The following PDZD2 variants were observed in gnomAD, a reference collection of about 807,000 sequenced individuals.
PDZD2 encodes PDZ domain-containing protein 2.
A neutral mutation model predicts 220.7 loss-of-function variants in PDZD2; 90 were observed. That is an observed-to-expected ratio of 0.41 (90% confidence interval 0.34 to 0.49). The LOEUF is 0.49. Ranked by LOEUF, PDZD2 falls within the 20% of genes least tolerant of loss-of-function variation. The pLI, the probability that PDZD2 is intolerant of heterozygous loss-of-function variation, is 0.28. For missense variants in PDZD2, 3,174 were observed against 3,608.5 expected (o/e 0.88, Z 3.08); for synonymous variants, 1,375 against 1,450.5 (o/e 0.95, Z 1.18).
chr5:31,695,163 G>A (rs886220676), intron 1 of PDZD2, among the ~76,000 whole-genome samples: 7 of 152,068 alleles, frequency 4.6e-5, no homozygotes, highest in South Asian at 4.2e-4. Flanking sequence ...AATAAAGAAC[G>A]GCTACTCCAT....
chr5:32,023,614 A>G lies in PDZD2; in HGVS notation c.1407+13132A>G, dbSNP rs1012602542. Among the ~76,000 whole-genome samples, 13 of 152,314 alleles carry G rather than the reference A, an allele frequency of 8.5e-5. No individual in the cohort carries two copies. The East Asian group carries it at 2.5e-3, about 29-fold the overall frequency. ...AATCCTGGATGACAAGGTTGCTTTT[A>G]GAGGAGATACCATGCTAGCTTCTTG... On this transcript the variant is annotated intron_variant, in intron 6 of 24. Transcript: ENST00000438447.
rs147268399 is a variant in PDZD2, at chr5:32,084,222, C to T, written c.3683-2909C>T. Among the ~76,000 whole-genome samples the T allele has an allele frequency of 6.2e-3, 950 of 152,300 alleles. 16 individuals carry two copies. The highest frequency in any genetic ancestry group is 0.022 in the African/African-American group (907 of 41,586). ...GCTAGTACGGTCTCCATGGGGATCT[C>T]GACGATCCAACCTTTTGATTGCCAA... is the stretch of plus-strand genomic sequence containing the variant. On this transcript the variant is annotated intron_variant, in intron 19 of 24. Coordinates refer to ENST00000438447, the MANE Select transcript of PDZD2 (RefSeq NM_178140.4).
chr5:31,920,325 C>T (rs966087710), intron 2 of PDZD2, among the ~76,000 whole-genome samples: 6 of 151,474 alleles, frequency 4.0e-5, no homozygotes, highest in East Asian at 1.9e-4. Flanking sequence ...TTTTTCTGAG[C>T]GAAAGATAGA....
At chr5:31,862,026 T>C (rs1256366168) in intron 2 of PDZD2, among the ~76,000 whole-genome samples, 5 of 151,936 alleles carry the variant, frequency 3.3e-5, no homozygotes, top group Admixed American at 1.3e-4. Context: ...TGATATACAA[T>C]TGGTATTCAA....
chr5:31,818,396 A>C (rs1219105457), intron 2 of PDZD2, among the ~76,000 whole-genome samples: 1 of 152,216 alleles, frequency 6.6e-6, no homozygotes, highest in Non-Finnish European at 1.5e-5. Flanking sequence ...TACAGGATCT[A>C]GATGTCTCTC....
chr5:31,963,970 G>A (rs1404832314), intron 2 of PDZD2, among the ~76,000 whole-genome samples: 2 of 152,130 alleles, frequency 1.3e-5, no homozygotes, highest in African/African-American at 2.4e-5. Flanking sequence ...TGCCTCTAGG[G>A]TACATTTGCC....
intron 5 of PDZD2, among the ~76,000 whole-genome samples, chr5:32,007,613 C>T (rs1752934628): frequency 1.3e-5 from 2 of 152,234 alleles, no homozygotes; most frequent in South Asian, 2.1e-4. Flanking sequence ...TATTCAGTAA[C>T]ATCCATTGTT....
intron 5 of PDZD2, among the ~76,000 whole-genome samples, chr5:32,003,649 C>T (rs1032258605): frequency 2.6e-5 from 4 of 152,184 alleles, no homozygotes; most frequent in Admixed American, 6.5e-5. Context: ...CCATGTACTG[C>T]TAAACCTGCA....
rs1030091193 is a variant in PDZD2 at position 32,074,300 on chromosome 5, C to A, written c.3194C>A (p.Ala1065Asp). The A allele has an allele frequency of 2.5e-6, 4 of 1,613,998 alleles. No individual in the cohort carries two copies. The highest frequency in any genetic ancestry group is 3.4e-6 in the Non-Finnish European group (4 of 1,180,014). ...YAANLTDSAEAPKGSPGSWWK... is the reference protein window; with the variant it reads ...YAANLTDSAEDPKGSPGSWWK... ...GCCAACCTCACGGACTCTGCAGAGGCCCCCAAGGGGAGCCCTGGAAGCTGG... is the reference window on the plus strand; with the variant it reads ...GCCAACCTCACGGACTCTGCAGAGGACCCCAAGGGGAGCCCTGGAAGCTGG... The change falls in exon 18 of 25, where the codon GCC becomes GAC. Residue 1065 changes from alanine to aspartate, a missense_variant. Transcript: ENST00000438447.
intron 2 of PDZD2, among the ~76,000 whole-genome samples, chr5:31,907,049 C>G (rs1210349717): frequency 6.6e-6 from 1 of 152,180 alleles, no homozygotes; most frequent in African/African-American, 2.4e-5. Flanking sequence ...AAGATCAACA[C>G]AAAGGGATTT....
chr5:31,788,580 G>A (rs1264742742), intron 1 of PDZD2, among the ~76,000 whole-genome samples: 2 of 151,658 alleles, frequency 1.3e-5, no homozygotes, highest in Admixed American at 6.6e-5. Flanking sequence ...GCAGGAGAAT[G>A]GCGTGAACCT....
In PDZD2 at chr5:32,069,563, A is replaced by G; in HGVS notation, c.2452-6A>G. ...CATCTAATCTTTGCTTTCTGCTGAA[A>G]ATCAGGTTTCCGAGCAGGAAATGGA... On this transcript the variant is annotated splice_region_variant and splice_polypyrimidine_tract_variant and intron_variant, in intron 14 of 24. Coordinates refer to ENST00000438447, the MANE Select transcript of PDZD2 (RefSeq NM_178140.4). 6.5e-7 allele frequency: 1 copy of G among 1,549,998 alleles called. No homozygotes were observed. Among genetic ancestry groups the G allele is most frequent in the Non-Finnish European group, 8.9e-7 (1 of 1,121,622 alleles).
At chr5:32,039,386 C>T (rs13355013) in intron 7 of PDZD2, among the ~76,000 whole-genome samples, 6,876 of 151,904 alleles carry the variant, frequency 0.045, 513 homozygotes, top group African/African-American at 0.15. Flanking sequence ...GGATTGCAGA[C>T]GGAGTCTCGC....
chr5:31,822,116 C>G (rs897942125), intron 2 of PDZD2, among the ~76,000 whole-genome samples: 4 of 152,044 alleles, frequency 2.6e-5, no homozygotes, highest in African/African-American at 9.7e-5. Context: ...TGGGCTGGTT[C>G]CAAGTCTTTG....
At position 32,107,866 on chromosome 5, in the gene PDZD2, A is replaced by ATTAT. The variant is rs1300692653; in HGVS notation, c.8354-99_8354-96dup. On this transcript the variant is annotated intron_variant, in intron 24 of 24. Coordinates refer to ENST00000438447, the MANE Select transcript of PDZD2 (RefSeq NM_178140.4). ...GAAATATTTCTCTATTCAATAATAT[A>ATTAT]TTATTTAGATATTTTTATCACTTAA... is the stretch of plus-strand genomic sequence containing the variant. The ATTAT allele has an allele frequency of 7.8e-6, 5 of 637,854 alleles. No homozygotes were observed. The East Asian group carries it at 1.1e-4, about 15-fold the overall frequency. The allele number at this position is 637,854 out of a possible 1,614,324, so 39.5% of individuals were successfully genotyped here. A position where few individuals can be genotyped will look rare whatever the true frequency, so the allele number is the denominator to read the frequency against.
chr5:31,954,281 GC>G (rs1442739773), intron 2 of PDZD2, among the ~76,000 whole-genome samples: 1 of 152,114 alleles, frequency 6.6e-6, no homozygotes, highest in African/African-American at 2.4e-5. Flanking sequence ...CAACGTTCTT[GC>G]CGTAGTACAT....
At chr5:31,708,198 T>C (rs956766205) in intron 1 of PDZD2, among the ~76,000 whole-genome samples, 2 of 152,194 alleles carry the variant, frequency 1.3e-5, no homozygotes, top group African/African-American at 4.8e-5. Flanking sequence ...CCTGGCCCTT[T>C]CTGGCCCTTC....
At position 32,029,102 on chromosome 5, in the gene PDZD2, C is replaced by T. The variant is rs1054585207; in HGVS notation, c.1408-8129C>T. 5.3e-5 allele frequency among the ~76,000 whole-genome samples: 8 copies of T among 152,178 alleles called. No individual in the cohort carries two copies. The South Asian group carries it at 1.7e-3, about 32-fold the overall frequency. ...CAGGAATAAATACAGTTTTTTCCAG[C>T]TCCAAGAAGACTGAATTCATTCAAC... On this transcript the variant is annotated intron_variant, in intron 6 of 24. Transcript: ENST00000438447.
At chr5:31,770,013 C>A (rs1706439600) in intron 1 of PDZD2, among the ~76,000 whole-genome samples, 1 of 152,272 alleles carries the variant, frequency 6.6e-6, no homozygotes, top group East Asian at 1.9e-4. Flanking sequence ...TCTCTGGCAG[C>A]CTGAGGCAGA....
Sources: gnomAD v4.1 joint callset for allele counts (sites outside exome capture counted in the v4.1 genomes callset) on GRCh38, gnomAD v4.1.1 for gene constraint, MANE v1.5 for transcripts, NCBI Gene and HGNC (gene_info 2026-07-23, HGNC 2026-07-21) for gene names.